The following EVA1A variants were observed in gnomAD, a reference collection of about 807,000 sequenced individuals.
EVA1A encodes the protein eva-1 homolog A, regulator of programmed cell death.
A neutral mutation model predicts 9.8 loss-of-function variants in EVA1A; 7 were observed. The observed-to-expected ratio is 0.71, with a 90% CI of 0.41 to 1.34. The LOEUF (loss-of-function observed/expected upper bound fraction) is 1.34, where lower values mean the gene tolerates loss of function less well. Ranked by LOEUF, EVA1A falls within the 40% of genes most tolerant of loss-of-function variation. The pLI is 0.01. For synonymous variants in EVA1A, 90 were observed against 85.6 expected, an observed-to-expected ratio of 1.05 and a Z score of -0.28; for missense variants, 206 against 205.9, an observed-to-expected ratio of 1.00 and a Z score of 0.00.
intron 1 of EVA1A, among the ~76,000 whole-genome samples, chr2:75,555,302 T>TCC (rs1676666737): frequency 6.0e-5 from 4 of 66,718 alleles, no homozygotes; most frequent in South Asian, 6.8e-4. Context: ...CAAAACTCAA[T>TCC]CTCTCTCTCT....
chr2:75,509,170 G>A (rs1360411555), intron 3 of EVA1A, among the ~76,000 whole-genome samples: 1 of 152,096 alleles, frequency 6.6e-6, no homozygotes, highest in Non-Finnish European at 1.5e-5. Flanking sequence ...AATTTAAGGG[G>A]AACTTATCAT....
chr2:75,495,494 A>C (rs183241633), intron 3 of EVA1A, among the ~76,000 whole-genome samples: 4 of 152,212 alleles, frequency 2.6e-5, no homozygotes, highest in Non-Finnish European at 5.9e-5. Context: ...CACGCTCACA[A>C]AGGTAATGGC....
chr2:75,538,328 G>A (rs1019036823), intron 1 of EVA1A, among the ~76,000 whole-genome samples: 1 of 152,080 alleles, frequency 6.6e-6, no homozygotes, highest in African/African-American at 2.4e-5. Flanking sequence ...TAAAACTAGT[G>A]AGTTCAGCAC....
chr2:75,559,193 C>G (rs1366196415), intron 1 of EVA1A, among the ~76,000 whole-genome samples: 1 of 152,110 alleles, frequency 6.6e-6, no homozygotes. Context: ...ATGTCTTGTG[C>G]AATACAGGAT....
intron 2 of EVA1A, among the ~76,000 whole-genome samples, chr2:75,521,563 G>T (rs375023269): frequency 1.3e-5 from 2 of 152,236 alleles, no homozygotes; most frequent in African/African-American, 4.8e-5. Flanking sequence ...AGTGAAATAA[G>T]CCAGTCAAAA....
At chr2:75,521,342 T>C (rs1339925592) in intron 2 of EVA1A, among the ~76,000 whole-genome samples, 1 of 152,198 alleles carries the variant, frequency 6.6e-6, no homozygotes, top group Non-Finnish European at 1.5e-5. Flanking sequence ...GGGTATATAC[T>C]GAAAGGATTT....
chr2:75,499,026 T>C (rs569786806), intron 3 of EVA1A, among the ~76,000 whole-genome samples: 2 of 152,324 alleles, frequency 1.3e-5, no homozygotes, highest in African/African-American at 4.8e-5. Context: ...ATGCACAATG[T>C]GTATAAAAAC....
At chr2:75,502,355 C>T in intron 3 of EVA1A, among the ~76,000 whole-genome samples, 1 of 152,192 alleles carries the variant, frequency 6.6e-6, no homozygotes, top group Non-Finnish European at 1.5e-5. Context: ...ACAATGGCCA[C>T]ATAATCCAGT....
At chr2:75,532,926 T>A (rs1284352099) in intron 1 of EVA1A, among the ~76,000 whole-genome samples, 2 of 152,104 alleles carry the variant, frequency 1.3e-5, no homozygotes, top group African/African-American at 4.8e-5. Context: ...GCAGGTTACT[T>A]GAGCTCAGGT....
At chr2:75,542,471 C>G (rs1161310142) in intron 1 of EVA1A, 1 of 152,226 alleles carries the variant, frequency 6.6e-6, no homozygotes, top group East Asian at 1.9e-4. Flanking sequence ...CAAACAGAAC[C>G]ACTGTCTTCT....
intron 3 of EVA1A, among the ~76,000 whole-genome samples, chr2:75,515,030 T>C (rs990541905): frequency 6.6e-5 from 10 of 152,244 alleles, no homozygotes; most frequent in Admixed American, 6.5e-5. Context: ...TTAATCGCAT[T>C]GCAGTTTCCA....
At chr2:75,534,942 A>C (rs189915497) in intron 1 of EVA1A, among the ~76,000 whole-genome samples, 29 of 152,256 alleles carry the variant, frequency 1.9e-4, no homozygotes, top group Admixed American at 5.2e-4. Context: ...AGAGATAGGG[A>C]TCCAGTTTAA....
intron 3 of EVA1A, among the ~76,000 whole-genome samples, chr2:75,496,030 A>G (rs1357587612): frequency 1.3e-5 from 2 of 152,096 alleles, no homozygotes; most frequent in Non-Finnish European, 2.9e-5. Flanking sequence ...CCTTCTCATC[A>G]TTTCCTGGTG....
chr2:75,544,146 T>C (rs990671189), intron 1 of EVA1A, among the ~76,000 whole-genome samples: 3 of 152,162 alleles, frequency 2.0e-5, no homozygotes, highest in African/African-American at 4.8e-5. Context: ...GTGTCATTAA[T>C]TGGGAAAGCT....
At chr2:75,533,734 T>A (rs1005743708) in intron 1 of EVA1A, among the ~76,000 whole-genome samples, 5 of 151,824 alleles carry the variant, frequency 3.3e-5, no homozygotes, top group Non-Finnish European at 7.4e-5. Flanking sequence ...ACCAGGAGTT[T>A]TGACCAGCCT....
At chr2:75,506,068 T>G (rs1674610574) in intron 3 of EVA1A, among the ~76,000 whole-genome samples, 1 of 152,218 alleles carries the variant, frequency 6.6e-6, no homozygotes, top group Non-Finnish European at 1.5e-5. Flanking sequence ...TGTTCAATAT[T>G]GCTCCATGGT....
At chr2:75,567,774 A>G (rs1307117829) in intron 1 of EVA1A, among the ~76,000 whole-genome samples, 1 of 152,188 alleles carries the variant, frequency 6.6e-6, no homozygotes, top group Non-Finnish European at 1.5e-5. Context: ...AGTGATTTCC[A>G]TTGCTTAAAC....
At chr2:75,543,315 A>C (rs1488300021) in intron 1 of EVA1A, among the ~76,000 whole-genome samples, 2 of 152,180 alleles carry the variant, frequency 1.3e-5, no homozygotes, top group African/African-American at 4.8e-5. Context: ...AGTACACCGG[A>C]GACATCTACA....
intron 2 of EVA1A, chr2:75,518,784 G>A: frequency 1.0e-6 from 1 of 985,948 alleles, no homozygotes; most frequent in Non-Finnish European, 1.2e-6. Flanking sequence ...CCGGGAGCCT[G>A]CACTGATGAC....
Sources: allele counts gnomAD v4.1 joint callset (sites outside exome capture counted in the v4.1 genomes callset), GRCh38; gene constraint gnomAD v4.1.1; transcripts MANE v1.5; gene names NCBI Gene and HGNC (gene_info 2026-07-23, HGNC 2026-07-21).